Variants in DNM3 observed in about 807,000 individuals in gnomAD.
DNM3 encodes dynamin 3, also known as dynamin-3.
A neutral mutation model predicts 101.6 loss-of-function variants in DNM3; 47 were observed. That is an observed-to-expected ratio of 0.46 (90% CI 0.37 to 0.59). The LOEUF (loss-of-function observed/expected upper bound fraction) is 0.59. Among genes scored for constraint, DNM3 ranks in the 20% least tolerant of loss-of-function variants. The pLI is 0.00. For synonymous variants in DNM3, 385 were observed against 387.9 expected (o/e 0.99, Z 0.09); for missense variants, 849 against 1,085.7 (o/e 0.78, Z 3.06).
chr1:171,991,596 C>A (rs1477654555), intron 4 of DNM3, among the ~76,000 whole-genome samples: 1 of 152,130 alleles, frequency 6.6e-6, no homozygotes, highest in African/African-American at 2.4e-5. Flanking sequence ...CCAAACCCAG[C>A]CCATTTTGGA....
chr1:172,375,500 A>C (rs2149046846), intron 17 of DNM3, among the ~76,000 whole-genome samples: 1 of 152,208 alleles, frequency 6.6e-6, no homozygotes, highest in African/African-American at 2.4e-5. Context: ...GTACGTTACC[A>C]TGGTAACAGT....
intron 14 of DNM3, among the ~76,000 whole-genome samples, chr1:172,155,874 G>A (rs1019701629): frequency 1.3e-5 from 2 of 152,012 alleles, no homozygotes; most frequent in South Asian, 2.1e-4. Flanking sequence ...ATATTATATG[G>A]TCTGTTTAGC....
At chr1:172,114,560 A>G (rs1484966145) in intron 13 of DNM3, among the ~76,000 whole-genome samples, 1 of 152,246 alleles carries the variant, frequency 6.6e-6, no homozygotes. Context: ...TTATCTAATG[A>G]ATGAGATCCT....
chr1:172,009,109 TTA>T (rs1403222453), intron 4 of DNM3, among the ~76,000 whole-genome samples: 2 of 138,918 alleles, frequency 1.4e-5, no homozygotes, highest in Non-Finnish European at 1.5e-5. Context: ...TATTTATATA[TTA>T]TATATCATAT....
rs529542261 is a variant in DNM3 at position 172,149,827 on chromosome 1, T to C, written c.1659+18539T>C. On this transcript the variant is annotated intron_variant, in intron 14 of 20. Coordinates refer to ENST00000627582, the MANE Select transcript of DNM3 (RefSeq NM_015569.5). Reference sequence around the variant, plus strand: ...AATATAAGGACACAGAAACTACTTTTTTTTTTGCAGGGGTGGAGAAAGTAC... The same window carrying C: ...AATATAAGGACACAGAAACTACTTTCTTTTTTGCAGGGGTGGAGAAAGTAC... Among the ~76,000 whole-genome samples, 3 of 152,250 alleles carry C rather than the reference T, an allele frequency of 2.0e-5. No individual in the cohort carries two copies. In the East Asian group the frequency reaches 5.8e-4, roughly 29 times the overall value.
intron 20 of DNM3, among the ~76,000 whole-genome samples, chr1:172,406,503 T>G (rs184431857): frequency 6.6e-6 from 1 of 152,036 alleles, no homozygotes; most frequent in African/African-American, 2.4e-5. Context: ...AAGATTTCCT[T>G]TGAAGCCTCT....
At chr1:171,854,305 T>C (rs1342195561) in intron 1 of DNM3, among the ~76,000 whole-genome samples, 1 of 152,140 alleles carries the variant, frequency 6.6e-6, no homozygotes, top group Non-Finnish European at 1.5e-5. Flanking sequence ...AATGGGACAA[T>C]AGTAGTACCC....
intron 2 of DNM3, among the ~76,000 whole-genome samples, chr1:171,971,479 T>C (rs917078547): frequency 1.3e-5 from 2 of 152,182 alleles, no homozygotes; most frequent in African/African-American, 4.8e-5. Context: ...CTTTTCCAAC[T>C]TTGGTAAGTT....
intron 4 of DNM3, among the ~76,000 whole-genome samples, chr1:171,989,590 G>A (rs916504830): frequency 1.3e-5 from 2 of 152,092 alleles, no homozygotes; most frequent in African/African-American, 2.4e-5. Context: ...TCTAATGCAT[G>A]TAAGATATTA....
chr1:171,886,242 C>T (rs1273992741), intron 1 of DNM3, among the ~76,000 whole-genome samples: 1 of 152,302 alleles, frequency 6.6e-6, no homozygotes, highest in South Asian at 2.1e-4. Context: ...TCCTTTTCCT[C>T]TTTTATTTGT....
intron 15 of DNM3, among the ~76,000 whole-genome samples, chr1:172,263,738 CAT>C (rs1395498261): frequency 1.3e-5 from 2 of 152,150 alleles, no homozygotes; most frequent in African/African-American, 2.4e-5. Flanking sequence ...CCTCCCATGA[CAT>C]GTGGGATTTA....
Position 171,964,885 on chromosome 1 carries a change from A to C in DNM3, c.236-22771A>C, listed in dbSNP as rs561069146. On this transcript the variant is annotated intron_variant, in intron 2 of 20. Transcript: ENST00000627582. ...GTGGCACCTTTTTTTTTTTCTCCCA[A>C]CTGATGGAAAACTGTGTCTCTGCTT... Among the ~76,000 whole-genome samples the C allele has an allele frequency of 2.1e-4, 32 of 151,494 alleles. 1 individual carries two copies. Among genetic ancestry groups the C allele is most frequent in the African/African-American group, 7.0e-4 (29 of 41,286 alleles).
intron 13 of DNM3, among the ~76,000 whole-genome samples, chr1:172,130,084 C>G (rs2148070546): frequency 6.6e-6 from 1 of 152,214 alleles, no homozygotes; most frequent in South Asian, 2.1e-4. Flanking sequence ...ATTGGCCTTC[C>G]TTCTTCAACT....
At chr1:171,917,109 A>G (rs2039775982) in intron 1 of DNM3, among the ~76,000 whole-genome samples, 1 of 152,092 alleles carries the variant, frequency 6.6e-6, no homozygotes, top group African/African-American at 2.4e-5. Context: ...GAGCTTGTTT[A>G]TTTTTGAATA....
chr1:172,296,833 A>G (rs1472314783), intron 15 of DNM3, among the ~76,000 whole-genome samples: 2 of 152,212 alleles, frequency 1.3e-5, no homozygotes, highest in Non-Finnish European at 2.9e-5. Flanking sequence ...TCTTGCAGTT[A>G]ATGTTAGCCT....
At chr1:172,111,037 A>G (rs1215230923) in intron 13 of DNM3, among the ~76,000 whole-genome samples, 2 of 152,266 alleles carry the variant, frequency 1.3e-5, no homozygotes, top group Admixed American at 6.5e-5. Flanking sequence ...CCTTGTCTCA[A>G]AAAAATAAAA....
intron 1 of DNM3, among the ~76,000 whole-genome samples, chr1:171,846,218 T>A (rs926210943): frequency 1.4e-3 from 198 of 138,920 alleles, no homozygotes; most frequent in African/African-American, 5.1e-3. Flanking sequence ...TTATATAATA[T>A]ACTTTTAGGT....
intron 16 of DNM3, among the ~76,000 whole-genome samples, chr1:172,318,143 T>C (rs969609025): frequency 1.3e-5 from 2 of 152,224 alleles, no homozygotes; most frequent in African/African-American, 4.8e-5. Context: ...AAGCACATGA[T>C]TATTTCAATA....
intron 15 of DNM3, among the ~76,000 whole-genome samples, chr1:172,276,121 G>A (rs950159827): frequency 6.6e-6 from 1 of 152,060 alleles, no homozygotes; most frequent in African/African-American, 2.4e-5. Flanking sequence ...GAGCACTTTA[G>A]CAGAAGCTAG....
Sources: allele counts gnomAD v4.1 joint callset (sites outside exome capture counted in the v4.1 genomes callset), GRCh38; gene constraint gnomAD v4.1.1; transcripts MANE v1.5; gene names NCBI Gene and HGNC (gene_info 2026-07-23, HGNC 2026-07-21).